Variants in KCNIP4 observed in about 807,000 individuals in gnomAD.
The protein encoded by KCNIP4 is potassium voltage-gated channel interacting protein 4.
In KCNIP4, 12 loss-of-function variants were observed where a neutral mutation model predicts 34.0. The observed-to-expected ratio is 0.35, with a 90% CI of 0.23 to 0.57. The LOEUF (loss-of-function observed/expected upper bound fraction) is 0.57, where lower values mean the gene tolerates loss of function less well. Among genes scored for constraint, KCNIP4 ranks in the 20% least tolerant of loss-of-function variants. KCNIP4 has a pLI of 0.83. For missense variants in KCNIP4, 238 were observed against 311.7 expected (o/e 0.76, Z 1.78); for synonymous variants, 124 against 102.2 (o/e 1.21, Z -1.29).
chr4:21,806,008 A>T (rs1401888562), intron 1 of KCNIP4, among the ~76,000 whole-genome samples: 1 of 152,230 alleles, frequency 6.6e-6, no homozygotes, highest in Admixed American at 6.5e-5. Flanking sequence ...GTTTAGATGG[A>T]CACATCAATT....
chr4:20,782,899 C>G (rs1007913207), intron 3 of KCNIP4, among the ~76,000 whole-genome samples: 2 of 152,186 alleles, frequency 1.3e-5, no homozygotes, highest in African/African-American at 2.4e-5. Context: ...CTTTTATGCT[C>G]TGCTTCCCTT....
At chr4:21,891,806 T>A (rs891797105) in intron 1 of KCNIP4, among the ~76,000 whole-genome samples, 1 of 152,128 alleles carries the variant, frequency 6.6e-6, no homozygotes, top group African/African-American at 2.4e-5. Flanking sequence ...CAGAAAGTTG[T>A]CCCTTTAAAT....
intron 1 of KCNIP4, among the ~76,000 whole-genome samples, chr4:20,996,871 C>T (rs1737601680): frequency 6.6e-6 from 1 of 152,054 alleles, no homozygotes; most frequent in South Asian, 2.1e-4. Flanking sequence ...TCACTGTCTC[C>T]AGGAACTAGG....
At chr4:21,609,089 A>G (rs1560558761) in intron 1 of KCNIP4, 1 of 152,200 alleles carries the variant, frequency 6.6e-6, no homozygotes, top group East Asian at 1.9e-4. Context: ...ATTTAGTAAA[A>G]GTCCTCCAAG....
At chr4:20,819,696 T>A (rs1451954134) in intron 3 of KCNIP4, among the ~76,000 whole-genome samples, 2 of 152,212 alleles carry the variant, frequency 1.3e-5, no homozygotes, top group African/African-American at 4.8e-5. Context: ...ATGTCATGAG[T>A]GCTTCGCCTC....
chr4:21,906,061 C>A, intron 1 of KCNIP4, among the ~76,000 whole-genome samples: 1 of 152,266 alleles, frequency 6.6e-6, no homozygotes, highest in African/African-American at 2.4e-5. Context: ...AACACAGCTA[C>A]ATTCATTTGT....
At chr4:21,923,575 T>C (rs1263931068) in intron 1 of KCNIP4, among the ~76,000 whole-genome samples, 1 of 152,110 alleles carries the variant, frequency 6.6e-6, no homozygotes, top group East Asian at 1.9e-4. Flanking sequence ...AGTGAGACAC[T>C]GTCCCTAAAT....
chr4:21,284,517 G>A (rs567695744), intron 1 of KCNIP4, among the ~76,000 whole-genome samples: 3 of 152,266 alleles, frequency 2.0e-5, no homozygotes, highest in African/African-American at 7.2e-5. Flanking sequence ...TATACACATG[G>A]CTTTTGAAGG....
chr4:21,270,630 T>C (rs1762083101), intron 1 of KCNIP4, among the ~76,000 whole-genome samples: 1 of 152,154 alleles, frequency 6.6e-6, no homozygotes, highest in South Asian at 2.1e-4. Flanking sequence ...CATTAATAAA[T>C]ATTTGCTATT....
At chr4:20,824,648 C>G (rs1391312882) in intron 3 of KCNIP4, among the ~76,000 whole-genome samples, 1 of 152,120 alleles carries the variant, frequency 6.6e-6, no homozygotes, top group Non-Finnish European at 1.5e-5. Context: ...CTTCTGCACT[C>G]CAGACTAGCA....
At chr4:21,609,912 T>A (rs1221965756) in intron 1 of KCNIP4, among the ~76,000 whole-genome samples, 1 of 152,230 alleles carries the variant, frequency 6.6e-6, no homozygotes, top group African/African-American at 2.4e-5. Flanking sequence ...GAAGATCGAA[T>A]ACTATCTGAA....
At chr4:21,864,460 G>C (rs1242940606) in intron 1 of KCNIP4, among the ~76,000 whole-genome samples, 1 of 152,124 alleles carries the variant, frequency 6.6e-6, no homozygotes, top group Non-Finnish European at 1.5e-5. Flanking sequence ...ACATGATAAT[G>C]CCCTATATGA....
intron 1 of KCNIP4, among the ~76,000 whole-genome samples, chr4:21,763,780 A>G (rs1171084874): frequency 6.6e-6 from 1 of 152,190 alleles, no homozygotes; most frequent in Non-Finnish European, 1.5e-5. Context: ...TGTTATATAC[A>G]TCTTCCTTTT....
intron 1 of KCNIP4, among the ~76,000 whole-genome samples, chr4:21,537,216 G>A (rs1158254915): frequency 2.0e-5 from 3 of 152,158 alleles, no homozygotes; most frequent in Non-Finnish European, 4.4e-5. Context: ...GGAGATCAAG[G>A]TTCTGGCAAA....
chr4:21,103,372 T>C (rs921656868), intron 1 of KCNIP4, among the ~76,000 whole-genome samples: 1 of 146,976 alleles, frequency 6.8e-6, no homozygotes, highest in Non-Finnish European at 1.5e-5. Flanking sequence ...ATATATAAGA[T>C]ATATATATTT....
intron 1 of KCNIP4, among the ~76,000 whole-genome samples, chr4:21,110,213 AAGCAT>A (rs1290998542): frequency 1.3e-5 from 2 of 152,226 alleles, no homozygotes; most frequent in Admixed American, 6.5e-5. Flanking sequence ...AAACAATTAA[AAGCAT>A]ACTCTGCATT....
intron 1 of KCNIP4, among the ~76,000 whole-genome samples, chr4:21,242,217 G>C (rs1189148822): frequency 6.6e-6 from 1 of 150,524 alleles, no homozygotes. Flanking sequence ...TAACTCTCAG[G>C]GTTGTTGGGA....
chr4:21,739,437 C>G (rs1349658947), intron 1 of KCNIP4, among the ~76,000 whole-genome samples: 1 of 152,006 alleles, frequency 6.6e-6, no homozygotes, highest in African/African-American at 2.4e-5. Flanking sequence ...TTAAAGCTTA[C>G]AGCTCTCAGA....
At chr4:20,792,784 G>A (rs1218691695) in intron 3 of KCNIP4, among the ~76,000 whole-genome samples, 1 of 151,946 alleles carries the variant, frequency 6.6e-6, no homozygotes, top group African/African-American at 2.4e-5. Flanking sequence ...AAATTACAAA[G>A]AGAAATAGAT....
Sources: allele counts gnomAD v4.1 joint callset (sites outside exome capture counted in the v4.1 genomes callset), GRCh38; gene constraint gnomAD v4.1.1; transcripts MANE v1.5; gene names NCBI Gene and HGNC (gene_info 2026-07-23, HGNC 2026-07-21).